The following ERBB4 variants were observed in gnomAD, a reference collection of about 807,000 sequenced individuals.
The protein encoded by ERBB4 is erb-b2 receptor tyrosine kinase 4.
In ERBB4, 42 loss-of-function variants were observed where a neutral mutation model predicts 158.0. The observed-to-expected ratio is 0.27, with a 90% CI of 0.21 to 0.34. ERBB4 has a LOEUF of 0.34. Among genes scored for constraint, ERBB4 ranks in the 10% least tolerant of loss-of-function variants. The probability of loss-of-function intolerance (pLI) is 1.00; values close to 1 mark genes in which losing one functional copy is unlikely to be tolerated. For missense variants in ERBB4, 1,333 were observed against 1,624.1 expected, an observed-to-expected ratio of 0.82 and a Z score of 3.08; for synonymous variants, 583 against 558.7, an observed-to-expected ratio of 1.04 and a Z score of -0.61.
In ERBB4 at chr2:211,622,332, G is replaced by C. The variant is rs551218463; in HGVS notation, c.2202+1590C>G. Among the ~76,000 whole-genome samples, 185 of 152,168 alleles carry C rather than the reference G, an allele frequency of 1.2e-3. 1 individual carries two copies. Among genetic ancestry groups the C allele is most frequent in the African/African-American group, 4.3e-3 (178 of 41,518 alleles). ...TATACAAATCTGAAGATGAGAAAAG[G>C]CATCAAGTCAGCCTAGAACAGTGCC... On this transcript the variant is annotated intron_variant, in intron 18 of 27. Coordinates refer to ENST00000342788, the MANE Select transcript of ERBB4 (RefSeq NM_005235.3).
At chr2:211,776,680 C>A (rs1022619641) in intron 4 of ERBB4, among the ~76,000 whole-genome samples, 3 of 152,114 alleles carry the variant, frequency 2.0e-5, no homozygotes, top group African/African-American at 7.2e-5. Context: ...GAAGTAAATA[C>A]AAATGGTTGT....
chr2:211,513,357 C>CAAAAA lies in ERBB4; in HGVS notation c.2487+48541_2487+48545dup, dbSNP rs61042785. On this transcript the variant is annotated intron_variant, in intron 20 of 27. Transcript: ENST00000342788. ...TGGGCGACAGAGCGAGACTCCGTCTCAAAAAAAAAAAAAAAAAAACAAAAA... is the reference window on the plus strand; with the variant it reads ...TGGGCGACAGAGCGAGACTCCGTCTCAAAAAAAAAAAAAAAAAAAAAAAACAAAAA... 2.3e-3 allele frequency among the ~76,000 whole-genome samples: 92 copies of CAAAAA among 39,170 alleles called. 8 individuals carry two copies. The highest frequency in any genetic ancestry group is 6.0e-3 in the African/African-American group (91 of 15,120). The allele number at this position is 39,170 out of a possible 152,430, so 25.7% of individuals were successfully genotyped here.
At chr2:212,399,523 C>T (rs6718189) in intron 1 of ERBB4, among the ~76,000 whole-genome samples, 81,864 of 137,360 alleles carry the variant, frequency 0.6, 24,878 homozygotes, top group African/African-American at 0.74. Flanking sequence ...TCATGCCTCC[C>T]CTGATATATA....
chr2:212,042,183 C>T (rs1038573966), intron 2 of ERBB4, among the ~76,000 whole-genome samples: 1 of 151,990 alleles, frequency 6.6e-6, no homozygotes, highest in Non-Finnish European at 1.5e-5. Context: ...AGAAATAAAT[C>T]GGCATTATAG....
At chr2:211,664,450 T>C (rs1300013999) in intron 15 of ERBB4, among the ~76,000 whole-genome samples, 4 of 152,098 alleles carry the variant, frequency 2.6e-5, no homozygotes, top group Non-Finnish European at 5.9e-5. Flanking sequence ...AGTAGGAGGA[T>C]GGCAAATGTA....
At chr2:212,175,607 ATTT>A (rs772882128) in intron 1 of ERBB4, among the ~76,000 whole-genome samples, 1 of 134,166 alleles carries the variant, frequency 7.5e-6, no homozygotes. Flanking sequence ...CAGAATATGT[ATTT>A]TTTTTTTTTT....
chr2:212,011,245 A>G (rs1347226925), intron 2 of ERBB4, among the ~76,000 whole-genome samples: 2 of 152,170 alleles, frequency 1.3e-5, no homozygotes, highest in African/African-American at 4.8e-5. Flanking sequence ...AATCATCACA[A>G]TTTATGTCCC....
rs527589533 is a variant in ERBB4 at position 212,464,356 on chromosome 2, G to A, written c.82+74093C>T. On this transcript the variant is annotated intron_variant, in intron 1 of 27. Transcript: ENST00000342788. ...CTTTTTTATGGGTAAGTAAATATTT[G>A]CAAGCATGGTTCCATTCCGGTAGAA... 1.5e-3 allele frequency among the ~76,000 whole-genome samples: 221 copies of A among 152,030 alleles called. 1 individual carries two copies. The highest frequency in any genetic ancestry group is 3.4e-3 in the Middle Eastern group (1 of 294).
At chr2:211,877,229 G>A (rs1478778539) in intron 3 of ERBB4, among the ~76,000 whole-genome samples, 1 of 152,210 alleles carries the variant, frequency 6.6e-6, no homozygotes, top group South Asian at 2.1e-4. Flanking sequence ...TGAAGCTCGA[G>A]TAGCCTTATT....
intron 1 of ERBB4, among the ~76,000 whole-genome samples, chr2:212,310,354 A>T (rs17418947): frequency 0.037 from 5,593 of 150,882 alleles, 144 homozygotes; most frequent in South Asian, 0.083. Context: ...CTGACAGATG[A>T]TATTCAGCCT....
At chr2:212,240,661 A>AAAAAAAAAAAAAAAC (rs1559823252) in intron 1 of ERBB4, among the ~76,000 whole-genome samples, 1 of 148,046 alleles carries the variant, frequency 6.8e-6, no homozygotes, top group African/African-American at 2.5e-5. Flanking sequence ...AAAAAAAAAA[A>AAAAAAAAAAAAAAAC]AAAAAACAGA....
At chr2:212,430,614 G>C (rs536404739) in intron 1 of ERBB4, among the ~76,000 whole-genome samples, 39 of 151,924 alleles carry the variant, frequency 2.6e-4, no homozygotes, top group African/African-American at 9.4e-4. Flanking sequence ...CTAATTTTTT[G>C]TATTTTTAGT....
intron 20 of ERBB4, among the ~76,000 whole-genome samples, chr2:211,519,256 T>A (rs1486930569): frequency 6.6e-6 from 1 of 152,196 alleles, no homozygotes; most frequent in African/African-American, 2.4e-5. Flanking sequence ...TTTGCATTAT[T>A]TAAGGTAATT....
intron 1 of ERBB4, among the ~76,000 whole-genome samples, chr2:212,208,508 A>C (rs2082833679): frequency 6.6e-6 from 1 of 152,188 alleles, no homozygotes; most frequent in Non-Finnish European, 1.5e-5. Flanking sequence ...TTATATTGGA[A>C]TAGGACACAA....
intron 19 of ERBB4, among the ~76,000 whole-genome samples, chr2:211,581,511 G>C (rs900376977): frequency 2.6e-4 from 39 of 152,046 alleles, no homozygotes; most frequent in African/African-American, 9.4e-4. Context: ...AAAAAACTAT[G>C]ATCTACAAGT....
intron 1 of ERBB4, among the ~76,000 whole-genome samples, chr2:212,400,366 C>G (rs1482524834): frequency 6.6e-6 from 1 of 152,074 alleles, no homozygotes; most frequent in Non-Finnish European, 1.5e-5. Flanking sequence ...TAGTAAGAAT[C>G]AATAGGACTT....
intron 1 of ERBB4, among the ~76,000 whole-genome samples, chr2:212,483,569 T>C (rs548608228): frequency 5.3e-5 from 8 of 152,320 alleles, no homozygotes; most frequent in South Asian, 2.1e-4. Flanking sequence ...CATTTCTCCA[T>C]AGAAAGTATC....
At chr2:212,448,168 C>G in intron 1 of ERBB4, among the ~76,000 whole-genome samples, 1 of 152,128 alleles carries the variant, frequency 6.6e-6, no homozygotes, top group East Asian at 1.9e-4. Flanking sequence ...TACAGGCACT[C>G]TTTTAAGGTA....
intron 20 of ERBB4, among the ~76,000 whole-genome samples, chr2:211,545,191 T>A (rs751622711): frequency 1.3e-5 from 2 of 152,198 alleles, no homozygotes; most frequent in South Asian, 2.1e-4. Context: ...AAAATTTAAA[T>A]GGCTAGACGC....
Sources: gnomAD v4.1 joint callset for allele counts (sites outside exome capture counted in the v4.1 genomes callset) on GRCh38, gnomAD v4.1.1 for gene constraint, MANE v1.5 for transcripts, NCBI Gene and HGNC (gene_info 2026-07-23, HGNC 2026-07-21) for gene names.